Variants in CYP4X1 observed in about 807,000 individuals in gnomAD.
CYP4X1 encodes the protein cytochrome P450 4X1.
In CYP4X1, 44 loss-of-function variants were observed where a neutral mutation model predicts 57.9. The observed-to-expected ratio is 0.76, with a 90% CI of 0.60 to 0.98. CYP4X1 has a LOEUF of 0.98. CYP4X1 is among the 50% of genes least tolerant of loss of function. CYP4X1 has a pLI of 0.00. For missense variants in CYP4X1, 532 were observed against 623.9 expected, an observed-to-expected ratio of 0.85 and a Z score of 1.57; for synonymous variants, 227 against 228.6, an observed-to-expected ratio of 0.99 and a Z score of 0.06.
intron 6 of CYP4X1, among the ~76,000 whole-genome samples, chr1:47,037,752 A>G (rs538341641): frequency 1.3e-5 from 2 of 152,286 alleles, no homozygotes; most frequent in South Asian, 2.1e-4. Context: ...CAGGTTGTAG[A>G]GAAAATTATT....
At chr1:47,012,407 A>T in the CYP4X1 span, among the ~76,000 whole-genome samples, 1 of 152,104 alleles carries the variant, frequency 6.6e-6, no homozygotes, top group East Asian at 1.9e-4. Flanking sequence ...AGGGCCTGTC[A>T]TGGGGTGAGG....
chr1:47,039,172 C>T (rs1644218122), intron 7 of CYP4X1, among the ~76,000 whole-genome samples, 170 bp from the exon 8 acceptor site: 1 of 152,106 alleles, frequency 6.6e-6, no homozygotes, highest in South Asian at 2.1e-4. Flanking sequence ...CTTGGTTCTC[C>T]TTTATGCTTT....
At chr1:47,036,739 GTTAC>G (rs1424056827) in intron 6 of CYP4X1, among the ~76,000 whole-genome samples, 2 of 152,102 alleles carry the variant, frequency 1.3e-5, no homozygotes, top group South Asian at 2.1e-4. Context: ...TTACTAGTAA[GTTAC>G]TTACTGCTTT....
At chr1:46,995,376 A>G in the CYP4X1 span, among the ~76,000 whole-genome samples, 11 of 152,154 alleles carry the variant, frequency 7.2e-5, no homozygotes, top group Non-Finnish European at 1.5e-4. Context: ...GAAAGGAAAA[A>G]TCTAAAAAGG....
chr1:47,045,527 G>A (rs1398191530), intron 8 of CYP4X1, among the ~76,000 whole-genome samples: 1 of 152,154 alleles, frequency 6.6e-6, no homozygotes, highest in African/African-American at 2.4e-5. Flanking sequence ...ATCCACTTGA[G>A]CTCTTCTTTC....
chr1:47,016,157 G>A, the CYP4X1 span, among the ~76,000 whole-genome samples: 1 of 151,636 alleles, frequency 6.6e-6, no homozygotes, highest in East Asian at 1.9e-4. Flanking sequence ...CTTAGTTCAA[G>A]TGAAATAAAT....
chr1:47,007,880 A>G, the CYP4X1 span, among the ~76,000 whole-genome samples: 3 of 152,238 alleles, frequency 2.0e-5, no homozygotes, highest in East Asian at 3.8e-4. Context: ...AGAAAAAAGA[A>G]TAAAAAGAAA....
At chr1:47,039,739 A>T in intron 8 of CYP4X1, 2 of 383,868 alleles carry the variant, frequency 5.2e-6, no homozygotes, top group Non-Finnish European at 9.2e-6. Flanking sequence ...TTTATCCATA[A>T]ATTGTCTGTC....
Position 47,047,862 on chromosome 1 carries a change from G to A in CYP4X1, c.1208-703G>A, listed in dbSNP as rs151152491. Among the ~76,000 whole-genome samples the A allele has an allele frequency of 7.0e-3, 1,066 of 152,168 alleles. 9 individuals are homozygous for A. The highest frequency in any genetic ancestry group is 0.024 in the African/African-American group (986 of 41,514). ...CCAGCCCTCCTCAGCCTCCCAAAGC[G>A]CTGGGACTACAGCCATGAGCCACTG... On this transcript the variant is annotated intron_variant, in intron 9 of 11. Coordinates refer to ENST00000371901, the MANE Select transcript of CYP4X1 (RefSeq NM_178033.2).
the CYP4X1 span, among the ~76,000 whole-genome samples, chr1:47,000,255 C>G: frequency 6.6e-6 from 1 of 152,146 alleles, no homozygotes; most frequent in Non-Finnish European, 1.5e-5. Context: ...CTTTGCCTTC[C>G]ACCATGATTT....
upstream of CYP4X1, among the ~76,000 whole-genome samples, chr1:47,023,320 A>G (rs142560466): frequency 1.3e-5 from 2 of 152,250 alleles, no homozygotes; most frequent in Non-Finnish European, 2.9e-5. Flanking sequence ...TCAGTTGTAA[A>G]CCATTTACCG....
chr1:47,034,141 A>G (rs1644153307), intron 4 of CYP4X1, among the ~76,000 whole-genome samples: 1 of 152,212 alleles, frequency 6.6e-6, no homozygotes, highest in Non-Finnish European at 1.5e-5. Flanking sequence ...GGACTTGAAT[A>G]TGTAGGTAAT....
At chr1:47,008,846 G>A in the CYP4X1 span, among the ~76,000 whole-genome samples, 1 of 152,078 alleles carries the variant, frequency 6.6e-6, no homozygotes, top group Non-Finnish European at 1.5e-5. Context: ...AATGGTAAAG[G>A]GATCAATACA....
the CYP4X1 span, among the ~76,000 whole-genome samples, chr1:46,965,522 G>A: frequency 3.3e-5 from 5 of 152,118 alleles, no homozygotes; most frequent in South Asian, 2.1e-4. Flanking sequence ...TTGTTGCTTC[G>A]GTGGGATACC....
chr1:47,038,993 A>C (rs1350212484), intron 7 of CYP4X1, among the ~76,000 whole-genome samples: 1 of 152,190 alleles, frequency 6.6e-6, no homozygotes, highest in Non-Finnish European at 1.5e-5. Context: ...ACAAGATTTG[A>C]GGATTGTCAT....
At chr1:47,024,093 T>C in intron 1 of CYP4X1, 99 bp downstream of exon 1, 1 of 1,430,416 alleles carries the variant, frequency 7.0e-7, no homozygotes, top group Non-Finnish European at 9.4e-7. Context: ...CTTCCATCCC[T>C]GGGGACCCTC....
the CYP4X1 span, chr1:46,967,893 G>T: frequency 1.3e-6 from 1 of 748,934 alleles, no homozygotes; most frequent in Non-Finnish European, 2.0e-6. Flanking sequence ...ACAGTGAATT[G>T]ATAAGAGGCC....
chr1:47,009,870 G>A, the CYP4X1 span, among the ~76,000 whole-genome samples: 2 of 152,188 alleles, frequency 1.3e-5, no homozygotes, highest in Non-Finnish European at 2.9e-5. Context: ...GGAAGAAGGT[G>A]AATGTCTGAA....
At chr1:46,979,671 T>TA in the CYP4X1 span, among the ~76,000 whole-genome samples, 2 of 151,576 alleles carry the variant, frequency 1.3e-5, no homozygotes, top group South Asian at 2.1e-4. Context: ...AGAGACACAA[T>TA]AAAAAAAGAG....
Sources: allele counts gnomAD v4.1 joint callset (sites outside exome capture counted in the v4.1 genomes callset), GRCh38; gene constraint gnomAD v4.1.1; transcripts MANE v1.5; gene names NCBI Gene and HGNC (gene_info 2026-07-23, HGNC 2026-07-21).